The following SLC43A2 variants were observed in gnomAD, a reference collection of about 807,000 sequenced individuals.
The protein encoded by SLC43A2 is solute carrier family 43 member 2, also known as large neutral amino acids transporter small subunit 4.
Under a neutral mutation model 63.2 loss-of-function variants are expected in SLC43A2, and 38 were observed. The ratio of observed to expected loss-of-function variants is 0.60; its 90% CI spans 0.46 to 0.79. SLC43A2 has a LOEUF of 0.79. Ranked by LOEUF, SLC43A2 falls within the 30% of genes least tolerant of loss-of-function variation. The pLI is 0.00. For missense variants in SLC43A2, 644 were observed against 756.2 expected (o/e 0.85, Z 1.74); for synonymous variants, 322 against 331.0 (o/e 0.97, Z 0.30).
chr17:1,588,385 T>C (rs955662036), intron 9 of SLC43A2, among the ~76,000 whole-genome samples: 10 of 148,478 alleles, frequency 6.7e-5, no homozygotes, highest in African/African-American at 2.5e-4. Flanking sequence ...AAAATCCATG[T>C]CAAAAAAAAA....
Position 1,605,097 on chromosome 17 carries a change from C to A in SLC43A2, c.501+8098G>T, listed in dbSNP as rs1191007438. ...CCACACTCACAGGTGGGAGTGCAAG[C>A]CCCTCTTCCCGCCCTCAGGTGCTTC... On this transcript the variant is annotated intron_variant, in intron 5 of 13. Transcript: ENST00000301335. This position sits in a 1 kb window ranked among gnomAD's most constrained non-coding sequence, Gnocchi z 4.9. The A allele has an allele frequency of 6.5e-5, 89 of 1,360,592 alleles. No individual in the cohort carries two copies. The highest frequency in any genetic ancestry group is 8.4e-5 in the Non-Finnish European group (89 of 1,053,608). The allele number at this position is 1,360,592 out of a possible 1,614,324, so 84.3% of individuals were successfully genotyped here. A position where few individuals can be genotyped will look rare whatever the true frequency, so the allele number is the denominator to read the frequency against.
At chr17:1,591,791 C>G (rs1904834846) in intron 6 of SLC43A2, 92 bp from the exon 7 acceptor site, 1 of 978,794 alleles carries the variant, frequency 1.0e-6, no homozygotes, top group Non-Finnish European at 1.5e-6. Context: ...CGTCTGGCCA[C>G]CCCTGCTGTC....
Position 1,572,262 on chromosome 17 carries a change from C to G in SLC43A2, c.*3342G>C, listed in dbSNP as rs1244553538. 2.6e-5 allele frequency: 1 copy of G among 38,558 alleles called. No individual in the cohort carries two copies. Among genetic ancestry groups the G allele is most frequent in the Non-Finnish European group, 5.5e-5 (1 of 18,260 alleles). The allele number at this position is 38,558 out of a possible 1,614,324, so 2.4% of individuals were successfully genotyped here. ...GCTGTGACCCCCCTGCCACAGAGGCCCCCCCCCCGCCACAGAGGTCCCCCC... is the reference window on the plus strand; with the variant it reads ...GCTGTGACCCCCCTGCCACAGAGGCGCCCCCCCCGCCACAGAGGTCCCCCC... On this transcript the variant is annotated 3_prime_UTR_variant, in exon 14 of 14. Coordinates refer to ENST00000301335, the MANE Select transcript of SLC43A2 (RefSeq NM_152346.3).
rs1436424352 is a variant in SLC43A2 at position 1,606,130 on chromosome 17, GACC to G, written c.501+7062_501+7064del. ...GCAAGTCCCGCTCACCAGGCACCTAGACCCTCCAGAGCTGGCCGGGGGCCACCG... is the reference window on the plus strand; with the variant it reads ...GCAAGTCCCGCTCACCAGGCACCTAGCTCCAGAGCTGGCCGGGGGCCACCG... On this transcript the variant is annotated intron_variant, in intron 5 of 13. Coordinates refer to ENST00000301335, the MANE Select transcript of SLC43A2 (RefSeq NM_152346.3). This position sits in a 1 kb window ranked among gnomAD's most constrained non-coding sequence, Gnocchi z 4.7. Among the ~76,000 whole-genome samples the G allele has an allele frequency of 1.3e-5, 2 of 151,518 alleles. No homozygotes were observed. Among genetic ancestry groups the G allele is most frequent in the African/African-American group, 4.9e-5 (2 of 41,156 alleles).
At position 1,576,781 on chromosome 17, in the gene SLC43A2, G is replaced by A. The variant is rs905495863; in HGVS notation, c.1425-61C>T. 12 of 1,585,890 alleles carry A rather than the reference G, an allele frequency of 7.6e-6. No individual in the cohort carries two copies. In the African/African-American group the frequency reaches 1.5e-4, roughly 20 times the overall value. On this transcript the variant is annotated intron_variant, in intron 12 of 13. Transcript: ENST00000301335. Reference sequence around the variant, plus strand: ...TCCTGGGCTTTGCTTGGCCCCAGGTGTCTGGTGACCCCGGGCTGCACCGTT... The same window carrying A: ...TCCTGGGCTTTGCTTGGCCCCAGGTATCTGGTGACCCCGGGCTGCACCGTT...
At chr17:1,587,684 T>C (rs1351535680) in intron 9 of SLC43A2, among the ~76,000 whole-genome samples, 2 of 152,118 alleles carry the variant, frequency 1.3e-5, no homozygotes, top group African/African-American at 4.8e-5. Flanking sequence ...CCAGGCCTCG[T>C]TTTTCAGGTG....
In SLC43A2 at chr17:1,578,439, T is replaced by TC; in HGVS notation, c.1351-117dup. 5 of 932,590 alleles carry TC rather than the reference T, an allele frequency of 5.4e-6. No individual in the cohort carries two copies. Among genetic ancestry groups the TC allele is most frequent in the Non-Finnish European group, 8.1e-6 (5 of 619,542 alleles). 57.8% of individuals were successfully genotyped at this position (932,590 alleles called of 1,614,324 possible). Reference sequence around the variant, plus strand: ...GGGGCAGTGTCAGCCTGGAGTTGGATCAACCCCATCCTCCGGAGCCAATTG... The same window carrying TC: ...GGGGCAGTGTCAGCCTGGAGTTGGATCCAACCCCATCCTCCGGAGCCAATTG... On this transcript the variant is annotated intron_variant, in intron 11 of 13. Transcript: ENST00000301335. The surrounding 1 kb of genome is among the most constrained non-coding windows in gnomAD (Gnocchi z 6.5).
At position 1,609,493 on chromosome 17, in the gene SLC43A2, C is replaced by T. The variant is rs369043716; in HGVS notation, c.501+3702G>A. On this transcript the variant is annotated intron_variant, in intron 5 of 13. Transcript: ENST00000301335. Reference sequence around the variant, plus strand: ...CTGGGATTACAGGCGTGAGCCACTGCGCCCGGCCAGATAACATTTTTAGAA... The same window carrying T: ...CTGGGATTACAGGCGTGAGCCACTGTGCCCGGCCAGATAACATTTTTAGAA... Among the ~76,000 whole-genome samples, 37 of 152,262 alleles carry T rather than the reference C, an allele frequency of 2.4e-4. 1 individual carries two copies. In the South Asian group the frequency reaches 2.9e-3, roughly 12 times the overall value.
rs2076059997 is a variant in SLC43A2, at chr17:1,583,959, G to C, written c.1218-623C>G. Among the ~76,000 whole-genome samples, 1 of 150,894 alleles carries C rather than the reference G, an allele frequency of 6.6e-6. No individual in the cohort carries two copies. The highest frequency in any genetic ancestry group is 6.6e-5 in the Admixed American group (1 of 15,154). On this transcript the variant is annotated intron_variant, in intron 10 of 13. Coordinates refer to ENST00000301335, the MANE Select transcript of SLC43A2 (RefSeq NM_152346.3). The surrounding 1 kb of genome is among the most constrained non-coding windows in gnomAD (Gnocchi z 5.5). ...CACCCGGGCTGGAGTGCAGTGGTGT[G>C]ATCTCGGCTCATTGCCACCTCTGCC...
chr17:1,577,177 C>T lies in SLC43A2; in HGVS notation c.1425-457G>A, dbSNP rs2075947409. ...CCGCGCCCGGCCCTGCTGGGTGGTT[C>T]TGCAAAGTGTTTCTCTTTGGACCAG... On this transcript the variant is annotated intron_variant, in intron 12 of 13. Coordinates refer to ENST00000301335, the MANE Select transcript of SLC43A2 (RefSeq NM_152346.3). This position sits in a 1 kb window ranked among gnomAD's most constrained non-coding sequence, Gnocchi z 4.9. 6.6e-6 allele frequency among the ~76,000 whole-genome samples: 1 copy of T among 152,130 alleles called. No individual in the cohort carries two copies. The highest frequency in any genetic ancestry group is 1.5e-5 in the Non-Finnish European group (1 of 68,020).
intron 5 of SLC43A2, among the ~76,000 whole-genome samples, chr17:1,594,648 C>T (rs1457097034): frequency 5.1e-5 from 7 of 137,760 alleles, no homozygotes; most frequent in East Asian, 4.5e-4. Flanking sequence ...ACTGCAGTGG[C>T]TCTATCTCGG....
chr17:1,606,315 G>A lies in SLC43A2; in HGVS notation c.501+6880C>T, dbSNP rs1370951465. ...CCCTCCTCTCCAGGATCTGAAGAGG[G>A]ATGTTTATCCTCTTCACTTCCCTCA... On this transcript the variant is annotated intron_variant, in intron 5 of 13. Transcript: ENST00000301335. This position sits in a 1 kb window ranked among gnomAD's most constrained non-coding sequence, Gnocchi z 4.7. Among the ~76,000 whole-genome samples the A allele has an allele frequency of 6.6e-6, 1 of 152,146 alleles. No homozygotes were observed. Among genetic ancestry groups the A allele is most frequent in the Non-Finnish European group, 1.5e-5 (1 of 68,030 alleles).
intron 2 of SLC43A2, among the ~76,000 whole-genome samples, chr17:1,619,426 C>T (rs957781177): frequency 6.6e-6 from 1 of 152,222 alleles, no homozygotes; most frequent in Non-Finnish European, 1.5e-5. Flanking sequence ...ATCAGAGCCA[C>T]GAGGTTAACC....
At chr17:1,601,374 G>A (rs763907760) in intron 5 of SLC43A2, among the ~76,000 whole-genome samples, 13 of 151,942 alleles carry the variant, frequency 8.6e-5, no homozygotes, top group African/African-American at 1.2e-4. Context: ...CCTGGATCCC[G>A]AGATGGCTAA....
Position 1,593,130 on chromosome 17 carries a change from G to A in SLC43A2, c.594+57C>T. 6.5e-7 allele frequency: 1 copy of A among 1,541,148 alleles called. No homozygotes were observed. The highest frequency in any genetic ancestry group is 1.8e-5 in the Admixed American group (1 of 54,968). On this transcript the variant is annotated intron_variant, in intron 6 of 13. Transcript: ENST00000301335. This position sits in a 1 kb window ranked among gnomAD's most constrained non-coding sequence, Gnocchi z 5.3. Reference sequence around the variant, plus strand: ...AATTGCCTCCCTCTTCAGAGAGGGTGGAAGGAGCCTGGAGCAGGCCTCTGC... The same window carrying A: ...AATTGCCTCCCTCTTCAGAGAGGGTAGAAGGAGCCTGGAGCAGGCCTCTGC...
At chr17:1,576,135 G>A (rs946208996) in intron 13 of SLC43A2, among the ~76,000 whole-genome samples, 1 of 143,384 alleles carries the variant, frequency 7.0e-6, no homozygotes, top group Non-Finnish European at 1.5e-5. Flanking sequence ...TCAGGCTGGA[G>A]TGCAGTGGCG....
intron 2 of SLC43A2, among the ~76,000 whole-genome samples, chr17:1,619,397 C>T (rs1219902792): frequency 3.3e-5 from 5 of 152,186 alleles, no homozygotes; most frequent in Non-Finnish European, 7.3e-5. Context: ...CACGTTGAAT[C>T]GAGGGGGGAT....
chr17:1,591,401 T>C lies in SLC43A2; in HGVS notation c.799A>G (p.Thr267Ala), dbSNP rs753181810. The C allele has an allele frequency of 1.9e-6, 3 of 1,613,058 alleles. No homozygotes were observed. Among genetic ancestry groups the C allele is most frequent in the Non-Finnish European group, 2.5e-6 (3 of 1,179,968 alleles). Residue 267 changes from threonine to alanine, a missense_variant, in exon 8 of 14, where the codon ACC becomes GCC. By Grantham distance (58) the Thr-to-Ala change is moderately conservative. Around this residue, in one of 3 missense-constraint regions of SLC43A2, gnomAD observed 528 missense variants for 623.6 expected, o/e 0.85. Transcript: ENST00000301335. The stretch of plus-strand genomic sequence containing the variant: ...ACACTCAGGCGCCGGCCCACCGTGG[T>C]CACCTGCTTGTAGAACTGCTTCCCT... ...ITGKQFYKQV[T>A]TVGRRLSVGS...
At chr17:1,597,278 G>A (rs1242051874) in intron 5 of SLC43A2, among the ~76,000 whole-genome samples, 1 of 151,918 alleles carries the variant, frequency 6.6e-6, no homozygotes, top group Non-Finnish European at 1.5e-5. Context: ...GCCGAGGTGG[G>A]CAGATCACAA....
Sources: allele counts gnomAD v4.1 joint callset (sites outside exome capture counted in the v4.1 genomes callset), GRCh38; gene constraint gnomAD v4.1.1; regional missense constraint gnomAD v4.1.1; non-coding constraint Gnocchi (gnomAD v3.1); transcripts MANE v1.5; gene names NCBI Gene and HGNC (gene_info 2026-07-23, HGNC 2026-07-21).